VSIG8: variants seen among roughly 807,000 people sequenced by gnomAD.
VSIG8 encodes V-set and immunoglobulin domain-containing protein 8.
A neutral mutation model predicts 42.6 loss-of-function variants in VSIG8; 32 were observed. The ratio of observed to expected loss-of-function variants is 0.75; its 90% CI spans 0.57 to 1.01. The LOEUF is 1.01. Among genes scored for constraint, VSIG8 ranks in the 50% least tolerant of loss-of-function variants. VSIG8 has a pLI of 0.00. For synonymous variants in VSIG8, 290 were observed against 243.8 expected (o/e 1.19, Z -1.77); for missense variants, 529 against 558.0 (o/e 0.95, Z 0.52).
chr1:159,854,701 G>C lies in VSIG8; in HGVS notation c.*52C>G. Reference sequence around the variant, plus strand: ...CGACGTGTCCCCAGCTGCAGACAGAGAGCCCCGCGCCCTCCTCCTGGCTGG... The same window carrying C: ...CGACGTGTCCCCAGCTGCAGACAGACAGCCCCGCGCCCTCCTCCTGGCTGG... On this transcript the variant is annotated 3_prime_UTR_variant, in exon 7 of 7. Transcript: ENST00000368100. The C allele has an allele frequency of 2.1e-6, 3 of 1,409,228 alleles. No individual in the cohort carries two copies. Among genetic ancestry groups the C allele is most frequent in the South Asian group, 3.0e-5 (2 of 65,776 alleles). 87.3% of individuals were successfully genotyped at this position (1,409,228 alleles called of 1,614,324 possible).
intron 5 of VSIG8, 41 bp from the exon 6 acceptor site, chr1:159,856,122 C>CT (rs1393133010): frequency 4.4e-6 from 7 of 1,582,320 alleles, no homozygotes; most frequent in Non-Finnish European, 6.0e-6. Flanking sequence ...TTCTCACAGC[C>CT]TGGCAGGTGC....
At chr1:159,859,012 C>A in intron 1 of VSIG8, 100 bp from the exon 2 acceptor site, 7 of 1,309,214 alleles carry the variant, frequency 5.3e-6, no homozygotes, top group Non-Finnish European at 7.3e-6. Context: ...TCCACGGCAC[C>A]CAGAGGTCAG....
intron 1 of VSIG8, among the ~76,000 whole-genome samples, chr1:159,860,414 T>C (rs1648982795): frequency 6.6e-6 from 1 of 152,256 alleles, no homozygotes; most frequent in Non-Finnish European, 1.5e-5. Context: ...TATGTGTTCA[T>C]TCAAGACCAG....
intron 6 of VSIG8, chr1:159,855,629 T>C (rs1648790018): frequency 2.0e-6 from 2 of 977,910 alleles, no homozygotes; most frequent in Non-Finnish European, 2.4e-6. Flanking sequence ...GAGCTTACAG[T>C]CTAGACAAGA....
chr1:159,858,800 A>T lies in VSIG8; in HGVS notation c.162T>A (p.Gly54=). The change falls in exon 2 of 7, where the codon GGT becomes GGA. Residue 54 remains glycine (G), a synonymous_variant. Transcript: ENST00000368100. Reference sequence around the variant, plus strand: ...TCCACTCGATGTCCAGCCCATTGGGACCATAGTCCTCAGGGTCCAGGACGT... The same window carrying T: ...TCCACTCGATGTCCAGCCCATTGGGTCCATAGTCCTCAGGGTCCAGGACGT... ...CPYVLDPEDY[G]PNGLDIEWMQ... is the part of the protein sequence containing the mutation. The T allele has an allele frequency of 6.2e-7, 1 of 1,613,904 alleles. No individual in the cohort carries two copies. The highest frequency in any genetic ancestry group is 8.5e-7 in the Non-Finnish European group (1 of 1,179,946).
chr1:159,862,240 A>G lies in VSIG8; in HGVS notation c.49+233T>C, dbSNP rs1038664773. 4.4e-5 allele frequency: 20 copies of G among 450,404 alleles called. No homozygotes were observed. The Admixed American group carries it at 7.0e-4, about 16-fold the overall frequency. The allele number at this position is 450,404 out of a possible 1,614,324, so 27.9% of individuals were successfully genotyped here. A position where few individuals can be genotyped will look rare whatever the true frequency, so the allele number is the denominator to read the frequency against. On this transcript the variant is annotated intron_variant, in intron 1 of 6. Transcript: ENST00000368100. ...TGTGTGAGCCCGACAGGGGACATAT[A>G]AAGATCCACTCAAAGACCTCTGCAC...
rs757602362 is a variant in VSIG8 at position 159,857,737 on chromosome 1, CCT to C, written c.652+6_652+7del. The stretch of plus-strand genomic sequence containing the variant: ...ACCCCCGACTGCCCTCATCCAGGGC[CCT>C]CTCACCTTGGTTTATGGAGCTGTGG... On this transcript the variant is annotated splice_donor_region_variant and intron_variant, in intron 4 of 6. Transcript: ENST00000368100. The C allele has an allele frequency of 1.4e-5, 22 of 1,613,188 alleles. No homozygotes were observed. Among genetic ancestry groups the C allele is most frequent in the Non-Finnish European group, 1.9e-5 (22 of 1,179,396 alleles).
At chr1:159,856,968 G>A (rs1648853971) in intron 4 of VSIG8, among the ~76,000 whole-genome samples, 1 of 152,212 alleles carries the variant, frequency 6.6e-6, no homozygotes, top group African/African-American at 2.4e-5. Flanking sequence ...CAGGGGAAGA[G>A]GAACTCTAAG....
chr1:159,859,948 G>A (rs752375654), intron 1 of VSIG8, among the ~76,000 whole-genome samples: 2 of 151,962 alleles, frequency 1.3e-5, no homozygotes, highest in Non-Finnish European at 2.9e-5. Flanking sequence ...ATCCCCAACC[G>A]GTTGGACCTA....
chr1:159,858,795 T>C lies in VSIG8; in HGVS notation c.167A>G (p.Asn56Ser), dbSNP rs758490133. The part of the protein sequence containing the change: ...YVLDPEDYGP[N>S]GLDIEWMQVN... ...CTGCATCCACTCGATGTCCAGCCCA[T>C]TGGGACCATAGTCCTCAGGGTCCAG... Residue 56 changes from asparagine to serine, a missense_variant, in exon 2 of 7, where the codon AAT becomes AGT. Transcript: ENST00000368100. 1.7e-5 allele frequency: 27 copies of C among 1,613,756 alleles called. No homozygotes were observed. Among genetic ancestry groups the C allele is most frequent in the African/African-American group, 2.7e-5 (2 of 74,854 alleles).
In VSIG8 at chr1:159,858,403, G is replaced by C. The variant is rs1441030761; in HGVS notation, c.229-112C>G. ...CTTCTCTGAGACTCTTTTCTCAGCT[G>C]AAAAAATGAGAATAATGATGCCTGA... On this transcript the variant is annotated intron_variant, in intron 2 of 6. Transcript: ENST00000368100. 8 of 1,079,390 alleles carry C rather than the reference G, an allele frequency of 7.4e-6. No homozygotes were observed. In the African/African-American group the frequency reaches 7.9e-5, roughly 11 times the overall value. 66.9% of individuals were successfully genotyped at this position (1,079,390 alleles called of 1,614,324 possible). A position where few individuals can be genotyped will look rare whatever the true frequency, so the allele number is the denominator to read the frequency against.
chr1:159,862,300 C>A (rs1227954335), intron 1 of VSIG8, 173 bp downstream of exon 1: 20 of 602,544 alleles, frequency 3.3e-5, no homozygotes, highest in Non-Finnish European at 2.6e-5. Context: ...GGCACAGGGT[C>A]TCCTGGGGAA....
Position 159,862,546 on chromosome 1 carries a change from G to A in VSIG8, c.-25C>T, listed in dbSNP as rs368431665. 3.0e-5 allele frequency: 49 copies of A among 1,609,990 alleles called. No individual in the cohort carries two copies. Among genetic ancestry groups the A allele is most frequent in the Non-Finnish European group, 3.8e-5 (45 of 1,177,482 alleles). On this transcript the variant is annotated 5_prime_UTR_variant, in exon 1 of 7. In the 5' UTR this introduces an upstream ATG that the reference lacks. Coordinates refer to ENST00000368100, the MANE Select transcript of VSIG8 (RefSeq NM_001013661.1). ...TGTCTCTAGGCTCGGTGTTTCCTCC[G>A]TCTGGGCTGGGTATCCCGTGGGGTC...
In VSIG8 at chr1:159,858,134, T is replaced by C; in HGVS notation, c.386A>G (p.Lys129Arg). ...SDTATYECRV[K>R]KTTMATRKVI... ...CTTCCGGGTGGCCATGGTGGTCTTC[T>C]TCACCCGGCACTCATAAGTGGCTGT... Residue 129 changes from lysine to arginine, a missense_variant, in exon 3 of 7, where the codon AAG becomes AGG. By Grantham distance (26) the Lys-to-Arg change is conservative. Coordinates refer to ENST00000368100, the MANE Select transcript of VSIG8 (RefSeq NM_001013661.1). 10 of 1,614,192 alleles carry C rather than the reference T, an allele frequency of 6.2e-6. No individual in the cohort carries two copies. Among genetic ancestry groups the C allele is most frequent in the Non-Finnish European group, 7.6e-6 (9 of 1,180,038 alleles).
In VSIG8 at chr1:159,855,895, G is replaced by A. The variant is rs972988513; in HGVS notation, c.959C>T (p.Ala320Val). The A allele has an allele frequency of 8.4e-6, 13 of 1,553,474 alleles. No homozygotes were observed. The highest frequency in any genetic ancestry group is 9.5e-6 in the Non-Finnish European group (11 of 1,154,582). The change falls in exon 6 of 7, where the codon GCT becomes GTT. Residue 320 changes from alanine (A) to valine (V), a missense_variant. Coordinates refer to ENST00000368100, the MANE Select transcript of VSIG8 (RefSeq NM_001013661.1). ...GVGGGACGDL[A>V]SEIREDAVAP... ...CATCAGGTTTTACCTGATCTCACTA[G>A]CCAAGTCGCCGCAGGCCCCTCCGCC...
At chr1:159,855,273 G>C in intron 6 of VSIG8, 1 of 1,549,926 alleles carries the variant, frequency 6.5e-7, no homozygotes, top group Non-Finnish European at 8.7e-7. Context: ...TATCTGGAGA[G>C]CCCTGCAGGC....
Position 159,854,748 on chromosome 1 carries a change from C to A in VSIG8, c.*5G>T. 1 of 1,468,758 alleles carries A rather than the reference C, an allele frequency of 6.8e-7. No homozygotes were observed. Among genetic ancestry groups the A allele is most frequent in the South Asian group, 1.3e-5 (1 of 76,766 alleles). The allele number at this position is 1,468,758 out of a possible 1,614,324, so 91.0% of individuals were successfully genotyped here. ...CTGGGGCGCAGCCCGGCCCGGCGCGCGCGCTCACACCAAGAGGCCGTTCTT... is the reference window on the plus strand; with the variant it reads ...CTGGGGCGCAGCCCGGCCCGGCGCGAGCGCTCACACCAAGAGGCCGTTCTT... On this transcript the variant is annotated 3_prime_UTR_variant, in exon 7 of 7. Coordinates refer to ENST00000368100, the MANE Select transcript of VSIG8 (RefSeq NM_001013661.1).
chr1:159,854,907 G>T lies in VSIG8; in HGVS notation c.1091C>A (p.Pro364His), dbSNP rs563047828. The change falls in exon 7 of 7, where the codon CCC becomes CAC. Residue 364 changes from proline (P) to histidine (H), a missense_variant. Physicochemically the swap from Pro to His is moderately conservative, Grantham distance 77 (BLOSUM62 -2). Transcript: ENST00000368100. ...RSLRRKYAPPPCGGPEDVALA... is the reference protein window; with the variant it reads ...RSLRRKYAPPHCGGPEDVALA... The stretch of plus-strand genomic sequence containing the variant: ...GGCCACGTCCTCGGGGCCGCCGCAG[G>T]GGGGAGGCGCGTACTTGCGGCGCAG... The T allele has an allele frequency of 1.7e-4, 253 of 1,488,380 alleles. 1 individual carries two copies. The South Asian group carries it at 1.9e-3, about 11-fold the overall frequency. The allele number at this position is 1,488,380 out of a possible 1,614,324, so 92.2% of individuals were successfully genotyped here. A position where few individuals can be genotyped will look rare whatever the true frequency, so the allele number is the denominator to read the frequency against.
chr1:159,859,177 A>AAT (rs1648945879), intron 1 of VSIG8, among the ~76,000 whole-genome samples: 1 of 152,234 alleles, frequency 6.6e-6, no homozygotes, highest in Non-Finnish European at 1.5e-5. Flanking sequence ...TGCATGTATG[A>AAT]ATATGTACAC....
Sources: allele counts gnomAD v4.1 joint callset (sites outside exome capture counted in the v4.1 genomes callset), GRCh38; gene constraint gnomAD v4.1.1; transcripts MANE v1.5; gene names NCBI Gene and HGNC (gene_info 2026-07-23, HGNC 2026-07-21).